Variants in SLC6A12 observed in about 807,000 individuals in gnomAD.
The protein encoded by SLC6A12 is sodium- and chloride-dependent betaine transporter.
In SLC6A12, 50 loss-of-function variants were observed where a neutral mutation model predicts 73.3. The ratio of observed to expected loss-of-function variants is 0.68; its 90% CI spans 0.54 to 0.86. The LOEUF (loss-of-function observed/expected upper bound fraction) is 0.86. Ranked by LOEUF, SLC6A12 falls within the 40% of genes least tolerant of loss-of-function variation. The pLI is 0.00. For synonymous variants in SLC6A12, 304 were observed against 309.2 expected, an observed-to-expected ratio of 0.98 and a Z score of 0.18; for missense variants, 648 against 772.8, an observed-to-expected ratio of 0.84 and a Z score of 1.92.
downstream of SLC6A12, among the ~76,000 whole-genome samples, chr12:187,622 AAAAAAAAAACAAAC>A (rs1939458745): frequency 5.0e-5 from 2 of 39,790 alleles, no homozygotes; most frequent in Non-Finnish European, 1.3e-4. Flanking sequence ...AAAAAAAAAA[AAAAAAAAAACAAAC>A]CACACACACA....
downstream of SLC6A12, among the ~76,000 whole-genome samples, chr12:185,500 T>C (rs76933294): frequency 5.6e-3 from 855 of 152,276 alleles, 10 homozygotes; most frequent in African/African-American, 0.02. Context: ...CTCTGTGTGT[T>C]AGTGAGATGT....
At chr12:195,478 G>C (rs952397757) in intron 12 of SLC6A12, 151 bp from the exon 13 acceptor site, 3 of 622,652 alleles carry the variant, frequency 4.8e-6, no homozygotes, top group African/African-American at 3.6e-5. Flanking sequence ...TGCCCTGTCT[G>C]CCCCTGCCTT....
chr12:186,897 C>T (rs2137090581), downstream of SLC6A12, among the ~76,000 whole-genome samples: 1 of 152,296 alleles, frequency 6.6e-6, no homozygotes, highest in South Asian at 2.1e-4. Context: ...ACCCTGCTAC[C>T]ACCACCCCTT....
chr12:192,250 T>C (rs1381671554), intron 15 of SLC6A12, among the ~76,000 whole-genome samples: 1 of 152,204 alleles, frequency 6.6e-6, no homozygotes. Flanking sequence ...AGATCATCCA[T>C]GGGAGGTCAG....
intron 6 of SLC6A12, 154 bp downstream of exon 6, chr12:201,608 C>A: frequency 1.5e-6 from 1 of 648,814 alleles, no homozygotes. Flanking sequence ...GCGTTCTCCC[C>A]TGCCTCAGTG....
intron 10 of SLC6A12, 26 bp from the exon 11 acceptor site, chr12:196,908 G>T (rs1193811964): frequency 1.9e-6 from 3 of 1,560,348 alleles, no homozygotes; most frequent in Non-Finnish European, 2.7e-6. Context: ...CACAGTCAGG[G>T]AGGCTCCAGG....
chr12:204,540 G>A lies in SLC6A12; in HGVS notation c.349+24C>T, dbSNP rs374809575. ...CAGGCAAGATGGCGGCCCCATGAAG[G>A]GGAAGGTGGGGGAGGATACATACCC... On this transcript the variant is annotated intron_variant, in intron 4 of 15. Transcript: ENST00000684302. The A allele has an allele frequency of 6.8e-6, 11 of 1,612,512 alleles. No individual in the cohort carries two copies. The African/African-American group carries it at 1.5e-4, about 22-fold the overall frequency.
chr12:186,774 C>T (rs1939437530), downstream of SLC6A12, among the ~76,000 whole-genome samples: 1 of 152,246 alleles, frequency 6.6e-6, no homozygotes, highest in African/African-American at 2.4e-5. Flanking sequence ...GAGGTATCCA[C>T]TACCCTTCTT....
chr12:186,226 G>A (rs564097319), downstream of SLC6A12, among the ~76,000 whole-genome samples: 1 of 152,154 alleles, frequency 6.6e-6, no homozygotes, highest in Non-Finnish European at 1.5e-5. Context: ...GGCCACGACA[G>A]CACCCACAGG....
At chr12:186,676 G>A (rs1939435547), downstream of SLC6A12, among the ~76,000 whole-genome samples, 1 of 152,242 alleles carries the variant, frequency 6.6e-6, no homozygotes. Flanking sequence ...TGGGCCAACT[G>A]TCCCCCCAGA....
chr12:200,607 C>T lies in SLC6A12; in HGVS notation c.711+44G>A, dbSNP rs369242440. On this transcript the variant is annotated intron_variant, in intron 7 of 15. Coordinates refer to ENST00000684302, the MANE Select transcript of SLC6A12 (RefSeq NM_001122848.3). ...GGTCCCCCTCAAGTGTCCCCGTAGA[C>T]TCTGGGGGCCAAAGGGAGCTTCCCA... is the stretch of plus-strand genomic sequence containing the variant. 1.0e-5 allele frequency: 16 copies of T among 1,604,078 alleles called. No individual in the cohort carries two copies. The African/African-American group carries it at 1.3e-4, about 13-fold the overall frequency.
At chr12:203,470 C>G (rs1940417080) in intron 4 of SLC6A12, 1 of 152,184 alleles carries the variant, frequency 6.6e-6, no homozygotes, top group Admixed American at 6.5e-5. Flanking sequence ...GCGGTCTCCA[C>G]CGCGCAGCGG....
In SLC6A12 at chr12:198,603, T is replaced by C; in HGVS notation, c.846+194A>G. ...AAAAAAAATTTTTTAAGAAAAAAAGTTATATTTGAGTGGTGGAATTACAAG... is the reference window on the plus strand; with the variant it reads ...AAAAAAAATTTTTTAAGAAAAAAAGCTATATTTGAGTGGTGGAATTACAAG... On this transcript the variant is annotated intron_variant, in intron 8 of 15. Transcript: ENST00000684302. The surrounding 1 kb of genome is among the most constrained non-coding windows in gnomAD (Gnocchi z 4.0). The C allele has an allele frequency of 1.8e-6, 1 of 546,946 alleles. No individual in the cohort carries two copies. The highest frequency in any genetic ancestry group is 3.1e-6 in the Non-Finnish European group (1 of 324,574). 33.9% of individuals were successfully genotyped at this position (546,946 alleles called of 1,614,324 possible).
downstream of SLC6A12, among the ~76,000 whole-genome samples, chr12:186,153 G>T (rs1435088140): frequency 1.3e-5 from 2 of 152,224 alleles, no homozygotes; most frequent in Non-Finnish European, 2.9e-5. Flanking sequence ...GGGGCTGAGG[G>T]ACGCCTCTGA....
intron 3 of SLC6A12, among the ~76,000 whole-genome samples, chr12:206,778 G>C (rs369928273): frequency 8.5e-5 from 13 of 152,244 alleles, no homozygotes; most frequent in African/African-American, 2.9e-4. Context: ...GAAGTCCCAG[G>C]ACCTAGGCTG....
Position 193,332 on chromosome 12 carries a change from C to T in SLC6A12, c.1475G>A (p.Arg492Gln), listed in dbSNP as rs759427029. The T allele has an allele frequency of 6.8e-6, 11 of 1,613,954 alleles. No individual in the cohort carries two copies. Among genetic ancestry groups the T allele is most frequent in the Admixed American group, 3.3e-5 (2 of 60,004 alleles). Residue 492 changes from arginine to glutamine, a missense_variant, in exon 14 of 16, where the codon CGG (arginine) becomes CAG (glutamine). Coordinates refer to ENST00000684302, the MANE Select transcript of SLC6A12 (RefSeq NM_001122848.3). ...GGAGATCTTCACCAGGGGCCATGGC[C>T]GGTAGCCAATCATGTCCTCAATGTT... is the stretch of plus-strand genomic sequence containing the variant. ...YDNIEDMIGY[R>Q]PWPLVKISWL...
chr12:196,367 C>A, intron 11 of SLC6A12, 106 bp from the exon 12 acceptor site: 1 of 1,366,194 alleles, frequency 7.3e-7, no homozygotes, highest in Non-Finnish European at 1.0e-6. Context: ...CACAGGGGTG[C>A]AGGGAGCAGC....
At chr12:185,648 CCTCT>C (rs1363179594), downstream of SLC6A12, among the ~76,000 whole-genome samples, 6 of 152,166 alleles carry the variant, frequency 3.9e-5, no homozygotes, top group Non-Finnish European at 5.9e-5. Context: ...AGCAAGCTCC[CCTCT>C]CTGTCTGTGG....
At chr12:194,467 G>A (rs1442367165) in intron 13 of SLC6A12, among the ~76,000 whole-genome samples, 1 of 152,238 alleles carries the variant, frequency 6.6e-6, no homozygotes, top group Non-Finnish European at 1.5e-5. Context: ...GGAGTCAGAG[G>A]GACCTGGGGT....
Sources: gnomAD v4.1 joint callset for allele counts (sites outside exome capture counted in the v4.1 genomes callset) on GRCh38, gnomAD v4.1.1 for gene constraint, Gnocchi (gnomAD v3.1) non-coding constraint, MANE v1.5 for transcripts, NCBI Gene and HGNC (gene_info 2026-07-23, HGNC 2026-07-21) for gene names.